ZFPM2: variants seen among roughly 807,000 people sequenced by gnomAD.
ZFPM2 encodes zinc finger protein ZFPM2.
In ZFPM2, 20 loss-of-function variants were observed where a neutral mutation model predicts 98.6. That is an observed-to-expected ratio of 0.20 (90% CI 0.14 to 0.29). ZFPM2 has a LOEUF of 0.29. Among genes scored for constraint, ZFPM2 ranks in the 10% least tolerant of loss-of-function variants. The pLI is 1.00. For synonymous variants in ZFPM2, 518 were observed against 502.7 expected (o/e 1.03, Z -0.41); for missense variants, 1,310 against 1,388.6 (o/e 0.94, Z 0.90).
chr8:105,597,057 G>C (rs1815986180), intron 4 of ZFPM2, among the ~76,000 whole-genome samples: 1 of 151,612 alleles, frequency 6.6e-6, no homozygotes. Context: ...AAATGTAACA[G>C]CTGCATTCTT....
intron 3 of ZFPM2, among the ~76,000 whole-genome samples, chr8:105,517,736 CA>C: frequency 6.6e-6 from 1 of 151,566 alleles, no homozygotes; most frequent in Middle Eastern, 3.4e-3. Context: ...CACACACACA[CA>C]CACACCCCTA....
In ZFPM2 at chr8:105,651,117, C is replaced by G. The variant is rs529827489; in HGVS notation, c.532+16760C>G. ...AGTCATCCCCTTCCATGCCCAGTGA[C>G]AAGTCTCTCCATATATATAACTGTA... On this transcript the variant is annotated intron_variant, in intron 5 of 7. Coordinates refer to ENST00000407775, the MANE Select transcript of ZFPM2 (RefSeq NM_012082.4). 9.9e-5 allele frequency among the ~76,000 whole-genome samples: 15 copies of G among 152,244 alleles called. No individual in the cohort carries two copies. In the East Asian group the frequency reaches 2.5e-3, roughly 25 times the overall value.
chr8:105,534,020 T>TCCCTTCCTCCCTTCC (rs780212763), intron 3 of ZFPM2, among the ~76,000 whole-genome samples: 3 of 14,472 alleles, frequency 2.1e-4, no homozygotes, highest in African/African-American at 9.6e-4. Context: ...TCCTCCCTTC[T>TCCCTTCCTCCCTTCC]TCCCTTCCTC....
chr8:105,543,895 G>A (rs1814634676), intron 3 of ZFPM2, among the ~76,000 whole-genome samples: 1 of 152,162 alleles, frequency 6.6e-6, no homozygotes, highest in Admixed American at 6.6e-5. Flanking sequence ...GTTGACATTA[G>A]TCAGGCATGC....
intron 4 of ZFPM2, among the ~76,000 whole-genome samples, chr8:105,594,263 G>A (rs1374703394): frequency 6.6e-6 from 1 of 152,124 alleles, no homozygotes; most frequent in East Asian, 1.9e-4. Context: ...TTTGAGAACC[G>A]TGTTGTCCCA....
chr8:105,450,136 G>A (rs1306424126), intron 3 of ZFPM2, among the ~76,000 whole-genome samples: 2 of 152,046 alleles, frequency 1.3e-5, no homozygotes, highest in Admixed American at 6.6e-5. Flanking sequence ...TAAATAAGTT[G>A]CTTTATACAG....
intron 5 of ZFPM2, among the ~76,000 whole-genome samples, chr8:105,699,314 A>T (rs1009662330): frequency 2.6e-5 from 4 of 152,130 alleles, no homozygotes; most frequent in African/African-American, 9.6e-5. Context: ...CTAGAGGTTA[A>T]TGGCTAGATT....
intron 1 of ZFPM2, among the ~76,000 whole-genome samples, chr8:105,352,835 G>A (rs772981897): frequency 2.7e-4 from 41 of 151,936 alleles, no homozygotes; most frequent in Admixed American, 1.2e-3. Context: ...ATGCCTGCCT[G>A]CCTGCCTGCC....
At chr8:105,449,188 G>T (rs1159370641) in intron 3 of ZFPM2, among the ~76,000 whole-genome samples, 1 of 151,856 alleles carries the variant, frequency 6.6e-6, no homozygotes, top group African/African-American at 2.4e-5. Context: ...GATTTGTCTG[G>T]TACAATATTG....
intron 1 of ZFPM2, among the ~76,000 whole-genome samples, chr8:105,351,780 T>A (rs1163910179): frequency 1.3e-5 from 2 of 152,176 alleles, no homozygotes; most frequent in African/African-American, 4.8e-5. Flanking sequence ...TTTTTAATAT[T>A]CAAATTCATT....
intron 3 of ZFPM2, among the ~76,000 whole-genome samples, chr8:105,487,962 T>A (rs1813268356): frequency 6.6e-6 from 1 of 151,704 alleles, no homozygotes; most frequent in Non-Finnish European, 1.5e-5. Context: ...ATCTGTCATG[T>A]CTTTTTTTAG....
intron 4 of ZFPM2, among the ~76,000 whole-genome samples, chr8:105,584,258 CTA>C (rs918897906): frequency 1.3e-5 from 2 of 151,966 alleles, no homozygotes; most frequent in African/African-American, 2.4e-5. Flanking sequence ...CACAGGATGA[CTA>C]ATTCTTTTTT....
intron 1 of ZFPM2, among the ~76,000 whole-genome samples, chr8:105,398,220 T>C (rs942046495): frequency 2.6e-4 from 40 of 152,308 alleles, no homozygotes; most frequent in Middle Eastern, 3.4e-3. Context: ...GGATTAGAAC[T>C]GACTACATAA....
chr8:105,646,068 A>G (rs1467666480), intron 5 of ZFPM2, among the ~76,000 whole-genome samples: 1 of 148,238 alleles, frequency 6.7e-6, no homozygotes, highest in Admixed American at 6.7e-5. Context: ...AAAAAAAAAA[A>G]GAAAGAAAGG....
intron 1 of ZFPM2, among the ~76,000 whole-genome samples, chr8:105,333,370 A>G (rs939857942): frequency 3.0e-4 from 45 of 151,730 alleles, no homozygotes; most frequent in African/African-American, 9.7e-4. Context: ...TATCTTTTTA[A>G]TTGAATCTGT....
chr8:105,694,623 T>A lies in ZFPM2; in HGVS notation c.532+60266T>A, dbSNP rs536676275. On this transcript the variant is annotated intron_variant, in intron 5 of 7. Transcript: ENST00000407775. The stretch of plus-strand genomic sequence containing the variant: ...AAGTTGATGAACAATCAATTCTTGT[T>A]TATTTGATGAATTGGATATTTCTGA... 4.6e-5 allele frequency among the ~76,000 whole-genome samples: 7 copies of A among 152,302 alleles called. No homozygotes were observed. The South Asian group carries it at 1.4e-3, about 32-fold the overall frequency.
intron 7 of ZFPM2, among the ~76,000 whole-genome samples, chr8:105,800,564 C>T (rs7009242): frequency 0.05 from 7,643 of 151,854 alleles, 626 homozygotes; most frequent in African/African-American, 0.17. Context: ...TCTATTTGGC[C>T]TCTTTAGAAT....
At chr8:105,580,827 C>CTCTCTATATA (rs1277698205) in intron 4 of ZFPM2, among the ~76,000 whole-genome samples, 2 of 131,456 alleles carry the variant, frequency 1.5e-5, no homozygotes, top group African/African-American at 5.6e-5. Context: ...CTCTCTCTCT[C>CTCTCTATATA]TATATATATA....
intron 4 of ZFPM2, among the ~76,000 whole-genome samples, chr8:105,564,232 T>C (rs561856499): frequency 5.9e-5 from 9 of 152,104 alleles, no homozygotes; most frequent in Admixed American, 6.5e-5. Context: ...ACATGACTAC[T>C]CTTAAGTTTA....
Sources: gnomAD v4.1 joint callset for allele counts (sites outside exome capture counted in the v4.1 genomes callset) on GRCh38, gnomAD v4.1.1 for gene constraint, MANE v1.5 for transcripts, NCBI Gene and HGNC (gene_info 2026-07-23, HGNC 2026-07-21) for gene names.